The following KLF8 variants were observed in gnomAD, a reference collection of about 807,000 sequenced individuals.
KLF8 encodes KLF transcription factor 8.
A neutral mutation model predicts 18.2 loss-of-function variants in KLF8; 10 were observed. The ratio of observed to expected loss-of-function variants is 0.55; its 90% CI spans 0.34 to 0.93. The LOEUF is 0.93. Ranked by LOEUF, KLF8 falls within the 40% of genes least tolerant of loss-of-function variation. The pLI is 0.02. For synonymous variants in KLF8, 109 were observed against 97.3 expected (o/e 1.12, Z -0.71); for missense variants, 264 against 277.9 (o/e 0.95, Z 0.36).
chrX:56,050,005 T>C, the KLF8 span, among the ~76,000 whole-genome samples: 4 of 111,688 alleles, frequency 3.6e-5, no homozygotes, highest in Non-Finnish European at 7.5e-5. Flanking sequence ...GCAGGGTGTA[T>C]GTGTCCAGGA....
At chrX:55,990,732 G>T in the KLF8 span, among the ~76,000 whole-genome samples, 26 of 112,440 alleles carry the variant, frequency 2.3e-4, no homozygotes, top group African/African-American at 8.4e-4. Flanking sequence ...AGGACCATCA[G>T]CTGCTGGTCT....
In KLF8 at chrX:56,280,247, T is replaced by C. The variant is rs1008253466; in HGVS notation, c.899-4066T>C. On this transcript the variant is annotated intron_variant, in intron 5 of 5. Coordinates refer to ENST00000468660, the MANE Select transcript of KLF8 (RefSeq NM_007250.5). ...TGATTCTTACCATTATCTTTTTTTT[T>C]CCCCAAGTCAGAGTCTCACTCTGTT... is the stretch of plus-strand genomic sequence containing the variant. 5.5e-4 allele frequency among the ~76,000 whole-genome samples: 61 copies of C among 111,804 alleles called. 1 individual carries two copies. Among genetic ancestry groups the C allele is most frequent in the Non-Finnish European group, 8.8e-4 (47 of 53,137 alleles).
chrX:56,011,976 A>C, the KLF8 span, among the ~76,000 whole-genome samples: 2 of 111,569 alleles, frequency 1.8e-5, no homozygotes, highest in Admixed American at 9.5e-5. Context: ...TATCAACCAA[A>C]AAAAATCCCA....
At chrX:56,114,844 A>G in the KLF8 span, among the ~76,000 whole-genome samples, 1 of 112,661 alleles carries the variant, frequency 8.9e-6, no homozygotes, top group African/African-American at 3.2e-5. Context: ...CATAATATAA[A>G]GAGTAACATA....
chrX:56,188,078 C>A, the KLF8 span, among the ~76,000 whole-genome samples: 2 of 110,967 alleles, frequency 1.8e-5, no homozygotes, highest in South Asian at 3.9e-4. Flanking sequence ...AAGAGGAAGT[C>A]AAATTGTCCC....
In KLF8 at chrX:56,290,901, A is replaced by G. The variant is rs2067316100; in HGVS notation, c.*6407A>G. Among the ~76,000 whole-genome samples the G allele has an allele frequency of 9.0e-6, 1 of 111,300 alleles. No homozygotes were observed. Among genetic ancestry groups the G allele is most frequent in the Admixed American group, 9.6e-5 (1 of 10,422 alleles). On this transcript the variant is annotated 3_prime_UTR_variant, in exon 6 of 6. Coordinates refer to ENST00000468660, the MANE Select transcript of KLF8 (RefSeq NM_007250.5). The stretch of plus-strand genomic sequence containing the variant: ...GGGTGGGGTCAGGGGAAGAGATACT[A>G]TTTTGTTAACTGTTAAAAGCTCTCC...
At chrX:56,087,412 T>C in the KLF8 span, among the ~76,000 whole-genome samples, 2 of 110,176 alleles carry the variant, frequency 1.8e-5, no homozygotes, top group East Asian at 2.9e-4. Context: ...CATATGCTCA[T>C]TTAAAAGTGT....
At chrX:56,043,052 C>A in the KLF8 span, among the ~76,000 whole-genome samples, 1 of 111,676 alleles carries the variant, frequency 9.0e-6, no homozygotes, top group Non-Finnish European at 1.9e-5. Context: ...TGAAACATAT[C>A]TTATTTCTCC....
chrX:56,213,750 T>C, the KLF8 span, among the ~76,000 whole-genome samples: 2 of 111,362 alleles, frequency 1.8e-5, no homozygotes, highest in Non-Finnish European at 3.8e-5. Context: ...AGAAGGAGTG[T>C]TACAGTCAGC....
chrX:56,123,779 C>A, the KLF8 span, among the ~76,000 whole-genome samples: 2 of 111,931 alleles, frequency 1.8e-5, no homozygotes, highest in African/African-American at 6.5e-5. Context: ...GCATTAATGA[C>A]ATTTTGGTAG....
the KLF8 span, among the ~76,000 whole-genome samples, chrX:56,161,169 G>C: frequency 9.0e-6 from 1 of 111,695 alleles, no homozygotes; most frequent in Admixed American, 9.6e-5. Context: ...AGCTGGATAT[G>C]AAATTCTGGG....
At chrX:56,095,367 A>C in the KLF8 span, among the ~76,000 whole-genome samples, 2 of 112,772 alleles carry the variant, frequency 1.8e-5, no homozygotes, top group Non-Finnish European at 3.8e-5. Flanking sequence ...CTATAAGAAC[A>C]CTAGAAGAAA....
chrX:56,006,137 T>A, the KLF8 span, among the ~76,000 whole-genome samples: 1 of 112,215 alleles, frequency 8.9e-6, no homozygotes, highest in East Asian at 2.8e-4. Flanking sequence ...TCCCTGGCCA[T>A]GCTCCACTGC....
chrX:56,097,688 C>T, the KLF8 span, among the ~76,000 whole-genome samples: 2 of 76,296 alleles, frequency 2.6e-5, no homozygotes, highest in Non-Finnish European at 4.7e-5. Flanking sequence ...CCACAACAGT[C>T]CCCAGAGTGT....
At chrX:55,949,059 C>G in the KLF8 span, among the ~76,000 whole-genome samples, 1 of 112,005 alleles carries the variant, frequency 8.9e-6, no homozygotes, top group Non-Finnish European at 1.9e-5. Flanking sequence ...TGATACTAGT[C>G]TTAGATGAAT....
At chrX:56,063,115 C>T in the KLF8 span, among the ~76,000 whole-genome samples, 94 of 111,156 alleles carry the variant, frequency 8.5e-4, no homozygotes, top group East Asian at 0.022. Context: ...AGAACATGCT[C>T]CTTTAGCTCT....
chrX:55,921,852 C>T, the KLF8 span, among the ~76,000 whole-genome samples: 1 of 112,338 alleles, frequency 8.9e-6, no homozygotes, highest in African/African-American at 3.2e-5. Flanking sequence ...GGCCAACATA[C>T]ATATCAAAAA....
the KLF8 span, among the ~76,000 whole-genome samples, chrX:56,063,896 C>T: frequency 6.4e-5 from 7 of 110,156 alleles, no homozygotes; most frequent in Admixed American, 2.0e-4. Context: ...GCAGCTTCAC[C>T]GAGCTGCAGT....
At chrX:55,932,758 C>A in the KLF8 span, among the ~76,000 whole-genome samples, 1 of 111,768 alleles carries the variant, frequency 8.9e-6, no homozygotes, top group Non-Finnish European at 1.9e-5. Flanking sequence ...GATGGGCTTC[C>A]CTTTGTGGGT....
Sources: gnomAD v4.1 joint callset for allele counts (sites outside exome capture counted in the v4.1 genomes callset) on GRCh38, gnomAD v4.1.1 for gene constraint, MANE v1.5 for transcripts, NCBI Gene and HGNC (gene_info 2026-07-23, HGNC 2026-07-21) for gene names.